The following FAM124A variants were observed in gnomAD, a reference collection of about 807,000 sequenced individuals.
The protein encoded by FAM124A is family with sequence similarity 124 member A.
A neutral mutation model predicts 24.5 loss-of-function variants in FAM124A; 23 were observed. The ratio of observed to expected loss-of-function variants is 0.94; its 90% CI spans 0.68 to 1.33. The LOEUF is 1.33. Ranked by LOEUF, FAM124A falls within the 40% of genes most tolerant of loss-of-function variation. The pLI is 0.00. For synonymous variants in FAM124A, 287 were observed against 314.7 expected, an observed-to-expected ratio of 0.91 and a Z score of 0.93; for missense variants, 623 against 722.8, an observed-to-expected ratio of 0.86 and a Z score of 1.58.
intron 3 of FAM124A, among the ~76,000 whole-genome samples, chr13:51,265,586 A>G (rs1954777639): frequency 6.6e-6 from 1 of 152,206 alleles, no homozygotes; most frequent in South Asian, 2.1e-4. Context: ...ATGGGATGAA[A>G]TGAACAAAAT....
chr13:51,227,569 G>A (rs574568853), intron 1 of FAM124A: 4 of 152,288 alleles, frequency 2.6e-5, no homozygotes, highest in East Asian at 1.9e-4. Context: ...CTGGCAAGTC[G>A]GCTGCTGATG....
Position 51,281,124 on chromosome 13 carries a change from C to T in FAM124A, c.1509C>T (p.Thr503=), listed in dbSNP as rs554761463. The T allele has an allele frequency of 6.2e-7, 1 of 1,614,076 alleles. No individual in the cohort carries two copies. Among genetic ancestry groups the T allele is most frequent in the South Asian group, 1.1e-5 (1 of 91,068 alleles). The change falls in exon 4 of 4, where the codon ACC becomes ACT. Residue 503 remains threonine (T), a synonymous_variant. Coordinates refer to ENST00000322475, the MANE Select transcript of FAM124A (RefSeq NM_001242312.2). ...TARAAPPAPS[T]STLTDSSPQL... is the part of the protein sequence containing the mutation. ...GTGCTGCTCCCCCAGCTCCCAGCAC[C>T]TCCACCCTCACAGACTCCTCCCCAC... is the stretch of plus-strand genomic sequence containing the variant.
chr13:51,256,114 C>T (rs1954672107), intron 3 of FAM124A, among the ~76,000 whole-genome samples: 1 of 152,226 alleles, frequency 6.6e-6, no homozygotes, highest in African/African-American at 2.4e-5. Flanking sequence ...AGGCCTGCTA[C>T]AGGAGTGCTG....
chr13:51,252,056 G>T lies in FAM124A; in HGVS notation c.689G>T (p.Cys230Phe), dbSNP rs770593683. 6.2e-7 allele frequency: 1 copy of T among 1,614,070 alleles called. No homozygotes were observed. The highest frequency in any genetic ancestry group is 2.2e-5 in the East Asian group (1 of 44,874). ...CTGAAAAGACTGCCCTGTGACCAGTGCCCGGTGCCCACCGACTCCTCCGTG... is the reference window on the plus strand; with the variant it reads ...CTGAAAAGACTGCCCTGTGACCAGTTCCCGGTGCCCACCGACTCCTCCGTG... ...FSLKRLPCDQ[C>F]PVPTDSSVLE... The change falls in exon 3 of 4, where the codon TGC becomes TTC. Residue 230 changes from cysteine (C) to phenylalanine (F), a missense_variant. Transcript: ENST00000322475.
intron 3 of FAM124A, among the ~76,000 whole-genome samples, chr13:51,273,117 C>T (rs754233037): frequency 2.6e-5 from 4 of 152,184 alleles, no homozygotes; most frequent in Non-Finnish European, 5.9e-5. Context: ...CTTAGACCCC[C>T]AGGTTTATGC....
intron 1 of FAM124A, among the ~76,000 whole-genome samples, chr13:51,226,230 C>G (rs1214501670): frequency 6.6e-6 from 1 of 151,798 alleles, no homozygotes; most frequent in African/African-American, 2.4e-5. Flanking sequence ...AACTCCTGGC[C>G]TCAAGCAGTC....
Position 51,251,920 on chromosome 13 carries a change from G to C in FAM124A, c.553G>C (p.Asp185His). 6.2e-7 allele frequency: 1 copy of C among 1,614,180 alleles called. No homozygotes were observed. The highest frequency in any genetic ancestry group is 1.1e-5 in the South Asian group (1 of 91,082). ...TVYCRYDNYA[D>H]SLRFYQLILR... Reference sequence around the variant, plus strand: ...CTACTGTCGCTACGACAACTATGCTGACAGCCTCAGGTTCTACCAGCTGAT... The same window carrying C: ...CTACTGTCGCTACGACAACTATGCTCACAGCCTCAGGTTCTACCAGCTGAT... Residue 185 changes from aspartate to histidine, a missense_variant, in exon 3 of 4, where the codon GAC becomes CAC. Transcript: ENST00000322475. The surrounding 1 kb of genome is among the most constrained non-coding windows in gnomAD (Gnocchi z 5.3).
chr13:51,229,365 G>A (rs957113503), intron 1 of FAM124A, among the ~76,000 whole-genome samples: 12 of 152,214 alleles, frequency 7.9e-5, no homozygotes, highest in African/African-American at 2.9e-4. Context: ...GGCCCAACCC[G>A]GTGGTGCCCT....
intron 3 of FAM124A, among the ~76,000 whole-genome samples, chr13:51,259,981 C>T (rs780612744): frequency 4.6e-5 from 7 of 151,910 alleles, no homozygotes; most frequent in African/African-American, 4.8e-5. Context: ...GCAGAGGGGG[C>T]GGTTCAGAGG....
chr13:51,251,034 G>A lies in FAM124A; in HGVS notation c.101-434G>A, dbSNP rs1020299222. The stretch of plus-strand genomic sequence containing the variant: ...AGGAGTGCGTTTGTGTAGGGAACAT[G>A]TATGGGGCAAGGCCCTGCAGCTATT... On this transcript the variant is annotated intron_variant, in intron 2 of 3. Coordinates refer to ENST00000322475, the MANE Select transcript of FAM124A (RefSeq NM_001242312.2). The surrounding 1 kb of genome is among the most constrained non-coding windows in gnomAD (Gnocchi z 5.3). 6.6e-6 allele frequency among the ~76,000 whole-genome samples: 1 copy of A among 152,228 alleles called. No individual in the cohort carries two copies. Among genetic ancestry groups the A allele is most frequent in the African/African-American group, 2.4e-5 (1 of 41,464 alleles).
At chr13:51,230,901 C>G (rs1372370037) in intron 1 of FAM124A, among the ~76,000 whole-genome samples, 1 of 152,178 alleles carries the variant, frequency 6.6e-6, no homozygotes. Context: ...AGCTGAGGTT[C>G]CCTCTCTCCT....
In FAM124A at chr13:51,243,534, G is replaced by T. The variant is rs534828764; in HGVS notation, c.101-7934G>T. Among the ~76,000 whole-genome samples, 123 of 151,748 alleles carry T rather than the reference G, an allele frequency of 8.1e-4. 1 individual carries two copies. Among genetic ancestry groups the T allele is most frequent in the Middle Eastern group, 3.4e-3 (1 of 294 alleles). On this transcript the variant is annotated intron_variant, in intron 2 of 3. Coordinates refer to ENST00000322475, the MANE Select transcript of FAM124A (RefSeq NM_001242312.2). ...TCAGACCTGGTTGTTGGTTTTTTTTGTTTGTTTGTTTGTTTTGAGACAGAG... is the reference window on the plus strand; with the variant it reads ...TCAGACCTGGTTGTTGGTTTTTTTTTTTTGTTTGTTTGTTTTGAGACAGAG...
rs1211677782 is a variant in FAM124A, at chr13:51,281,287, A to T, written c.*31A>T. 1 of 1,524,070 alleles carries T rather than the reference A, an allele frequency of 6.6e-7. No individual in the cohort carries two copies. The highest frequency in any genetic ancestry group is 2.3e-5 in the East Asian group (1 of 44,170). The allele number at this position is 1,524,070 out of a possible 1,614,324, so 94.4% of individuals were successfully genotyped here. A position where few individuals can be genotyped will look rare whatever the true frequency, so the allele number is the denominator to read the frequency against. ...CTCTGCTCTTGTTCTCGAAACACACAAACTCAGAGACACAGACTCAGGCCC... is the reference window on the plus strand; with the variant it reads ...CTCTGCTCTTGTTCTCGAAACACACTAACTCAGAGACACAGACTCAGGCCC... On this transcript the variant is annotated 3_prime_UTR_variant, in exon 4 of 4. Transcript: ENST00000322475.
chr13:51,261,700 C>T (rs1301928178), intron 3 of FAM124A, among the ~76,000 whole-genome samples: 1 of 152,176 alleles, frequency 6.6e-6, no homozygotes, highest in African/African-American at 2.4e-5. Flanking sequence ...GTTCAGGGTT[C>T]CGTTTCCTAA....
chr13:51,224,771 G>T (rs1954299724), intron 1 of FAM124A, among the ~76,000 whole-genome samples: 1 of 152,112 alleles, frequency 6.6e-6, no homozygotes, highest in Non-Finnish European at 1.5e-5. Flanking sequence ...AACTTTTATG[G>T]CTCTGTTATC....
intron 3 of FAM124A, among the ~76,000 whole-genome samples, chr13:51,263,743 A>G (rs1477365513): frequency 6.6e-6 from 1 of 152,108 alleles, no homozygotes; most frequent in Non-Finnish European, 1.5e-5. Context: ...CAGTGTCTGT[A>G]TTTGGTATTT....
intron 2 of FAM124A, among the ~76,000 whole-genome samples, chr13:51,237,224 G>A (rs1954443494): frequency 6.6e-6 from 1 of 152,160 alleles, no homozygotes; most frequent in Non-Finnish European, 1.5e-5. Flanking sequence ...CTTCCAAAGG[G>A]CTTATTAGTA....
At chr13:51,235,829 C>A (rs939160171) in intron 2 of FAM124A, among the ~76,000 whole-genome samples, 3 of 152,236 alleles carry the variant, frequency 2.0e-5, no homozygotes, top group South Asian at 2.1e-4. Flanking sequence ...CTGAGGAATT[C>A]TCTGTGGCTG....
Position 51,281,004 on chromosome 13 carries a change from AC to A in FAM124A, c.1391del (p.Pro464HisfsTer8), listed in dbSNP as rs1401997849. The A allele has an allele frequency of 1.9e-6, 3 of 1,614,012 alleles. No individual in the cohort carries two copies. The Admixed American group carries it at 5.0e-5, about 27-fold the overall frequency. The part of the protein sequence containing the change: ...WAAHKDSREG[P>X]LPTVSRVTTE... Reference sequence around the variant, plus strand: ...CAGCTCACAAGGATTCCAGGGAGGGACCACTGCCCACTGTCAGCAGGGTGAC... The same window carrying A: ...CAGCTCACAAGGATTCCAGGGAGGGACACTGCCCACTGTCAGCAGGGTGAC... On this transcript the variant is annotated frameshift_variant, in exon 4 of 4. Coordinates refer to ENST00000322475, the MANE Select transcript of FAM124A (RefSeq NM_001242312.2). LOFTEE classifies it low-confidence loss of function (END_TRUNC).
Sources: gnomAD v4.1 joint callset for allele counts (sites outside exome capture counted in the v4.1 genomes callset) on GRCh38, gnomAD v4.1.1 for gene constraint, Gnocchi (gnomAD v3.1) non-coding constraint, MANE v1.5 for transcripts, NCBI Gene and HGNC (gene_info 2026-07-23, HGNC 2026-07-21) for gene names.